The following EFHD1 variants were observed in gnomAD, a reference collection of about 807,000 sequenced individuals.
EFHD1 encodes the protein EF-hand domain family member D1, also known as EF-hand domain-containing protein D1.
EFHD1 carries 10 observed loss-of-function variants against 17.2 expected under a neutral mutation model. The observed-to-expected ratio is 0.58, with a 90% confidence interval of 0.36 to 0.99. The LOEUF is 0.99. EFHD1 is among the 50% of genes least tolerant of loss of function. The probability of loss-of-function intolerance (pLI) is 0.01; values close to 1 mark genes in which losing one functional copy is unlikely to be tolerated. For synonymous variants in EFHD1, 153 were observed against 142.0 expected (o/e 1.08, Z -0.55); for missense variants, 310 against 327.5 (o/e 0.95, Z 0.41).
chr2:232,628,749 C>A (rs1694149924), upstream of EFHD1, among the ~76,000 whole-genome samples: 1 of 152,128 alleles, frequency 6.6e-6, no homozygotes, highest in African/African-American at 2.4e-5. Context: ...TTATAACATC[C>A]AAAAAATGGC....
rs776207789 is a variant in EFHD1 at position 232,662,925 on chromosome 2, C to T, written c.426C>T (p.Phe142=). Residue 142 remains phenylalanine (F), a synonymous_variant, in exon 2 of 4, where the codon TTC becomes TTT. Coordinates refer to ENST00000264059, the MANE Select transcript of EFHD1 (RefSeq NM_025202.4). ...TGATCAAGGAGGTGGATGAGGACTT[C>T]GATGGCAAGCTCAGCTTCCGGGAGG... The part of the protein sequence containing the change: ...KSMIKEVDED[F]DGKLSFREFL... 4.7e-5 allele frequency: 74 copies of T among 1,589,868 alleles called. 1 individual carries two copies. In the South Asian group the frequency reaches 6.7e-4, roughly 14 times the overall value.
intron 1 of EFHD1, among the ~76,000 whole-genome samples, chr2:232,624,756 T>C (rs1471288968): frequency 5.9e-5 from 9 of 152,232 alleles, no homozygotes; most frequent in South Asian, 2.1e-4. Flanking sequence ...TCTAGAAACA[T>C]CTATAGGGAA....
intron 2 of EFHD1, among the ~76,000 whole-genome samples, chr2:232,666,452 G>A (rs1419503628): frequency 6.6e-6 from 1 of 152,194 alleles, no homozygotes; most frequent in African/African-American, 2.4e-5. Flanking sequence ...AGAGAGCTGT[G>A]GTGAGCTCTG....
chr2:232,630,383 C>G (rs13420439), upstream of EFHD1, among the ~76,000 whole-genome samples: 1 of 152,204 alleles, frequency 6.6e-6, no homozygotes, highest in African/African-American at 2.4e-5. Context: ...ACACTTCATT[C>G]TGAGGGGTGG....
At chr2:232,620,666 A>C (rs1694004149) in intron 1 of EFHD1, among the ~76,000 whole-genome samples, 1 of 152,086 alleles carries the variant, frequency 6.6e-6, no homozygotes, top group African/African-American at 2.4e-5. Context: ...CATTTATTGA[A>C]GATACCTTCT....
intron 2 of EFHD1, among the ~76,000 whole-genome samples, chr2:232,668,793 C>T (rs1695013558): frequency 6.6e-6 from 1 of 151,992 alleles, no homozygotes; most frequent in South Asian, 2.1e-4. Context: ...ACCACCATGC[C>T]CGGCTAATTT....
chr2:232,638,273 C>A, intron 1 of EFHD1: 1 of 459,394 alleles, frequency 2.2e-6, no homozygotes, highest in African/African-American at 2.0e-5. Flanking sequence ...CACTTAAAGG[C>A]AGGACCCCAA....
chr2:232,647,706 G>T (rs948265557), intron 1 of EFHD1, among the ~76,000 whole-genome samples: 1 of 149,026 alleles, frequency 6.7e-6, no homozygotes, highest in Non-Finnish European at 1.5e-5. Context: ...GCATGATCTC[G>T]GCTCACTGAA....
chr2:232,682,380 A>G lies in EFHD1; in HGVS notation c.*661A>G, dbSNP rs1000317007. ...CCTCCCTCTTCACCTTGCTCCGTCT[A>G]TGTCTTCCCAGCTCAGCCTTTTCCC... On this transcript the variant is annotated 3_prime_UTR_variant, in exon 4 of 4. Coordinates refer to ENST00000264059, the MANE Select transcript of EFHD1 (RefSeq NM_025202.4). The G allele has an allele frequency of 2.0e-5, 3 of 152,510 alleles. No individual in the cohort carries two copies. The highest frequency in any genetic ancestry group is 7.2e-5 in the African/African-American group (3 of 41,400). The allele number at this position is 152,510 out of a possible 1,614,324, so 9.4% of individuals were successfully genotyped here. A position where few individuals can be genotyped will look rare whatever the true frequency, so the allele number is the denominator to read the frequency against.
At chr2:232,609,129 G>A (rs1229395427) in intron 1 of EFHD1, among the ~76,000 whole-genome samples, 2 of 137,840 alleles carry the variant, frequency 1.5e-5, no homozygotes, top group African/African-American at 2.7e-5. Context: ...GTGCAATCTC[G>A]GCTCACTGCA....
exon 1 of EFHD1, chr2:232,606,160 A>G (rs1347405733): frequency 1.0e-5 from 16 of 1,549,606 alleles, no homozygotes; most frequent in East Asian, 2.4e-5. Context: ...CAGACATACG[A>G]TGGGAGAGTT....
chr2:232,611,930 T>C (rs1279286912), intron 1 of EFHD1: 1 of 152,288 alleles, frequency 6.6e-6, no homozygotes, highest in Admixed American at 6.5e-5. Flanking sequence ...GTGTCCGGCA[T>C]GAACCAGCCT....
At chr2:232,641,459 G>A (rs1574713536) in intron 1 of EFHD1, among the ~76,000 whole-genome samples, 2 of 152,202 alleles carry the variant, frequency 1.3e-5, no homozygotes, top group Admixed American at 6.5e-5. Context: ...AGGAAGGGCC[G>A]AAAGCTTATG....
At position 232,634,101 on chromosome 2, in the gene EFHD1, G is replaced by C. The variant is rs1227784002; in HGVS notation, c.302+95G>C. ...TCCCGGGCCCTGTTTGTGTGGGGAG[G>C]GGTCCCGGGGTGCAGGTAGCATTTG... On this transcript the variant is annotated intron_variant, in intron 1 of 3. Transcript: ENST00000264059. 8 of 1,515,746 alleles carry C rather than the reference G, an allele frequency of 5.3e-6. No homozygotes were observed. The African/African-American group carries it at 7.1e-5, about 13-fold the overall frequency. The allele number at this position is 1,515,746 out of a possible 1,614,324, so 93.9% of individuals were successfully genotyped here.
At chr2:232,630,264 G>A (rs796386151), upstream of EFHD1, among the ~76,000 whole-genome samples, 3 of 152,316 alleles carry the variant, frequency 2.0e-5, no homozygotes, top group African/African-American at 7.2e-5. Flanking sequence ...AAGCATGTTT[G>A]AGTCTTTGTC....
chr2:232,652,513 G>C (rs993102961), intron 1 of EFHD1, among the ~76,000 whole-genome samples: 1 of 152,024 alleles, frequency 6.6e-6, no homozygotes, highest in East Asian at 1.9e-4. Context: ...CTCTGAAGCG[G>C]GGCTACTAAT....
At chr2:232,634,814 A>C (rs941534924) in intron 1 of EFHD1, among the ~76,000 whole-genome samples, 1 of 152,232 alleles carries the variant, frequency 6.6e-6, no homozygotes, top group African/African-American at 2.4e-5. Flanking sequence ...TTAAGGCCGA[A>C]AAGTATTTTG....
At chr2:232,653,842 A>C (rs1466338097) in intron 1 of EFHD1, among the ~76,000 whole-genome samples, 1 of 152,130 alleles carries the variant, frequency 6.6e-6, no homozygotes, top group East Asian at 1.9e-4. Flanking sequence ...GGACTTGCCC[A>C]CTGGGCTAGT....
intron 1 of EFHD1, among the ~76,000 whole-genome samples, chr2:232,613,803 AAT>A (rs1559335791): frequency 2.2e-5 from 3 of 137,116 alleles, no homozygotes; most frequent in African/African-American, 8.5e-5. Context: ...TACACACAAA[AAT>A]ATACACACAT....
Sources: gnomAD v4.1 joint callset for allele counts (sites outside exome capture counted in the v4.1 genomes callset) on GRCh38, gnomAD v4.1.1 for gene constraint, MANE v1.5 for transcripts, NCBI Gene and HGNC (gene_info 2026-07-23, HGNC 2026-07-21) for gene names.